Variants in NCALD observed in about 807,000 individuals in gnomAD.
NCALD encodes the protein neurocalcin-delta.
A neutral mutation model predicts 18.6 loss-of-function variants in NCALD; 10 were observed. That is an observed-to-expected ratio of 0.54 (90% confidence interval 0.33 to 0.91). The LOEUF (loss-of-function observed/expected upper bound fraction) is 0.91. Ranked by LOEUF, NCALD falls within the 40% of genes least tolerant of loss-of-function variation. The pLI, the probability that NCALD is intolerant of heterozygous loss-of-function variation, is 0.03. For synonymous variants in NCALD, 88 were observed against 87.4 expected (o/e 1.01, Z -0.04); for missense variants, 184 against 247.6 (o/e 0.74, Z 1.72).
intron 3 of NCALD, among the ~76,000 whole-genome samples, chr8:101,896,422 A>T (rs1178630496): frequency 6.6e-6 from 1 of 152,164 alleles, no homozygotes; most frequent in East Asian, 1.9e-4. Context: ...CTAGAAGAAA[A>T]CCTAGGCATT....
chr8:102,028,426 C>T (rs554209069), intron 1 of NCALD, among the ~76,000 whole-genome samples: 8 of 152,190 alleles, frequency 5.3e-5, no homozygotes, highest in Admixed American at 1.3e-4. Flanking sequence ...ATATTCTACA[C>T]AATGCCCAAG....
intron 2 of NCALD, among the ~76,000 whole-genome samples, chr8:101,699,620 A>T (rs1815164181): frequency 6.6e-6 from 1 of 152,218 alleles, no homozygotes; most frequent in Non-Finnish European, 1.5e-5. Context: ...AGGGACATGG[A>T]TGAAGCTGGA....
intron 4 of NCALD, among the ~76,000 whole-genome samples, chr8:101,831,175 A>G (rs1353321895): frequency 5.3e-5 from 8 of 152,168 alleles, no homozygotes; most frequent in Admixed American, 5.2e-4. Flanking sequence ...TTTTGCAAGC[A>G]ATAGATTCTC....
At chr8:101,749,491 C>A (rs899398801) in intron 1 of NCALD, among the ~76,000 whole-genome samples, 2 of 152,212 alleles carry the variant, frequency 1.3e-5, no homozygotes, top group Non-Finnish European at 2.9e-5. Flanking sequence ...TACAGTAGAT[C>A]TGGGTGAGAG....
upstream of NCALD, among the ~76,000 whole-genome samples, chr8:101,794,699 G>A (rs1238472737): frequency 6.6e-6 from 1 of 152,052 alleles, no homozygotes; most frequent in African/African-American, 2.4e-5. Context: ...ATCCTATGAG[G>A]CAGGCACTAT....
chr8:101,881,014 C>G (rs1816473515), intron 4 of NCALD, among the ~76,000 whole-genome samples: 1 of 152,068 alleles, frequency 6.6e-6, no homozygotes, highest in African/African-American at 2.4e-5. Context: ...CATCACGACA[C>G]AAAAGAAACT....
chr8:102,094,964 T>C (rs747866998), intron 1 of NCALD, among the ~76,000 whole-genome samples: 13 of 152,224 alleles, frequency 8.5e-5, no homozygotes, highest in African/African-American at 2.7e-4. Flanking sequence ...GGCATCTTGA[T>C]TGCAGGCTTC....
At chr8:101,830,260 C>A (rs1306758355) in intron 4 of NCALD, among the ~76,000 whole-genome samples, 1 of 152,094 alleles carries the variant, frequency 6.6e-6, no homozygotes, top group East Asian at 1.9e-4. Context: ...TTTCAAATAA[C>A]CTTCTTGAAA....
At chr8:102,048,141 GC>G (rs1468836409) in intron 1 of NCALD, among the ~76,000 whole-genome samples, 1 of 152,126 alleles carries the variant, frequency 6.6e-6, no homozygotes, top group Non-Finnish European at 1.5e-5. Flanking sequence ...AAATATTGGA[GC>G]TTTAAGTTAT....
chr8:102,121,929 A>G (rs1023675680), intron 1 of NCALD, among the ~76,000 whole-genome samples: 1 of 152,202 alleles, frequency 6.6e-6, no homozygotes, highest in African/African-American at 2.4e-5. Flanking sequence ...GCTTTAGTGA[A>G]AAGGACTGGA....
intron 2 of NCALD, among the ~76,000 whole-genome samples, chr8:101,927,446 G>A (rs937524027): frequency 3.3e-5 from 5 of 152,224 alleles, no homozygotes; most frequent in African/African-American, 1.2e-4. Context: ...AGAAGGGTCT[G>A]CGTGTGATGA....
At chr8:101,751,930 G>C (rs1182267397) in intron 1 of NCALD, among the ~76,000 whole-genome samples, 2 of 152,144 alleles carry the variant, frequency 1.3e-5, no homozygotes, top group Non-Finnish European at 2.9e-5. Context: ...TTCCAAGTTA[G>C]AAGTATAAAT....
intron 2 of NCALD, among the ~76,000 whole-genome samples, chr8:101,710,612 G>A (rs1254662115): frequency 6.6e-6 from 1 of 152,218 alleles, no homozygotes; most frequent in Non-Finnish European, 1.5e-5. Flanking sequence ...GGCCTGACTA[G>A]GTGGTTTTCC....
At chr8:101,920,790 T>C (rs56138095) in intron 2 of NCALD, among the ~76,000 whole-genome samples, 18,267 of 152,170 alleles carry the variant, frequency 0.12, 1,217 homozygotes, top group East Asian at 0.19. Context: ...GTTCAGTACC[T>C]GGGTGACAGA....
chr8:101,931,861 G>T (rs2098885671), intron 2 of NCALD, among the ~76,000 whole-genome samples: 4 of 152,108 alleles, frequency 2.6e-5, no homozygotes, highest in Admixed American at 2.6e-4. Context: ...CAGAGGCTTG[G>T]CTAGGGAGCA....
intron 2 of NCALD, among the ~76,000 whole-genome samples, chr8:101,960,067 A>AG (rs1415857855): frequency 6.6e-6 from 1 of 152,188 alleles, no homozygotes; most frequent in African/African-American, 2.4e-5. Flanking sequence ...CCAGAAGGAT[A>AG]GAAGAGGACT....
At chr8:101,863,111 C>T (rs978515539) in intron 4 of NCALD, among the ~76,000 whole-genome samples, 27 of 152,132 alleles carry the variant, frequency 1.8e-4, no homozygotes, top group Admixed American at 8.5e-4. Flanking sequence ...TTCTCCACAC[C>T]GTGTGCTCAC....
intron 4 of NCALD, chr8:101,872,511 G>C: frequency 1.4e-6 from 1 of 738,278 alleles, no homozygotes; most frequent in Non-Finnish European, 2.5e-6. Context: ...TCTTGTCTAA[G>C]ATGTCATTCC....
At chr8:101,692,636 G>A (rs1814781859) in intron 3 of NCALD, 155 bp downstream of exon 3, 12 of 963,908 alleles carry the variant, frequency 1.2e-5, no homozygotes, top group Admixed American at 6.2e-5. Context: ...CAGCTCTCCT[G>A]TGGCCACCTG....
Sources: allele counts gnomAD v4.1 joint callset (sites outside exome capture counted in the v4.1 genomes callset), GRCh38; gene constraint gnomAD v4.1.1; transcripts MANE v1.5; gene names NCBI Gene and HGNC (gene_info 2026-07-23, HGNC 2026-07-21).